MGST1: variants seen among roughly 807,000 people sequenced by gnomAD.
The protein encoded by MGST1 is glutathione S-transferase 12.
Under a neutral mutation model 8.9 loss-of-function variants are expected in MGST1, and 5 were observed. The observed-to-expected ratio is 0.56, with a 90% CI of 0.29 to 1.19. The LOEUF is 1.19. Ranked by LOEUF, MGST1 falls within the 50% of genes most tolerant of loss-of-function variation. The pLI is 0.08. For missense variants in MGST1, 182 were observed against 187.4 expected (o/e 0.97, Z 0.17); for synonymous variants, 54 against 67.8 (o/e 0.80, Z 1.00).
rs138709868 is a variant in MGST1 at position 16,411,105 on chromosome 12, G to T, written n.779-26283G>T. On this transcript the variant is annotated intron_variant and non_coding_transcript_variant, in intron 1 of 1. Transcript: ENST00000359720. The stretch of plus-strand genomic sequence containing the variant: ...TTTCTCATCAAGTTCTTTTGTCATG[G>T]ACCCTCAAGGTATTACTTGCTTTCT... Among the ~76,000 whole-genome samples the T allele has an allele frequency of 1.5e-3, 226 of 152,174 alleles. 2 individuals carry two copies. The highest frequency in any genetic ancestry group is 5.0e-3 in the African/African-American group (206 of 41,520).
At chr12:16,590,865 A>C (rs1943473352), downstream of MGST1, among the ~76,000 whole-genome samples, 1 of 152,048 alleles carries the variant, frequency 6.6e-6, no homozygotes, top group African/African-American at 2.4e-5. Context: ...CAAATCCAGA[A>C]GCCTATTTTC....
intron 4 of MGST1, among the ~76,000 whole-genome samples, chr12:16,467,850 T>C (rs1026138883): frequency 6.6e-6 from 1 of 152,106 alleles, no homozygotes; most frequent in Non-Finnish European, 1.5e-5. Context: ...CTTAATTAGC[T>C]CAAGAGAAAC....
chr12:16,554,757 C>T (rs572818713), intron 4 of MGST1, among the ~76,000 whole-genome samples: 2 of 152,286 alleles, frequency 1.3e-5, no homozygotes, highest in African/African-American at 2.4e-5. Flanking sequence ...CCCGGGTTCC[C>T]GCCATTCTCC....
intron 1 of MGST1, among the ~76,000 whole-genome samples, chr12:16,403,694 T>C (rs531136594): frequency 2.0e-5 from 3 of 152,174 alleles, no homozygotes; most frequent in African/African-American, 7.2e-5. Context: ...TGACTCACAG[T>C]TCAGCATGGC....
chr12:16,566,017 TATATATATATATATATATATATAA>T (rs1942591975), intron 4 of MGST1, among the ~76,000 whole-genome samples: 1 of 77,780 alleles, frequency 1.3e-5, no homozygotes, highest in African/African-American at 5.3e-5. Flanking sequence ...TATATATATA[TATATATATATATATATATATATAA>T]AATGGAGTAC....
downstream of MGST1, among the ~76,000 whole-genome samples, chr12:16,378,093 G>A (rs1940408673): frequency 1.3e-5 from 2 of 152,126 alleles, no homozygotes; most frequent in South Asian, 4.2e-4. Context: ...CCATTCTGTA[G>A]GTTGCCTGTT....
chr12:16,588,485 T>C (rs1034928995), intron 4 of MGST1, among the ~76,000 whole-genome samples: 3 of 152,066 alleles, frequency 2.0e-5, no homozygotes, highest in Admixed American at 2.0e-4. Flanking sequence ...TACAAGGCCA[T>C]AGAACTTTTA....
intron 4 of MGST1, among the ~76,000 whole-genome samples, chr12:16,516,487 A>G (rs1442914401): frequency 1.3e-5 from 2 of 152,194 alleles, no homozygotes; most frequent in African/African-American, 4.8e-5. Flanking sequence ...CTCTGTGGCC[A>G]TGAATTAGGT....
intron 1 of MGST1, chr12:16,400,374 A>G (rs571367064): frequency 9.7e-6 from 8 of 823,086 alleles, no homozygotes; most frequent in Admixed American, 3.5e-5. Flanking sequence ...AGCGGAAGCC[A>G]TTGACACGGG....
downstream of MGST1, among the ~76,000 whole-genome samples, chr12:16,379,403 A>C (rs1158896795): frequency 1.3e-5 from 2 of 152,176 alleles, no homozygotes; most frequent in Non-Finnish European, 2.9e-5. Context: ...CTATTGAGAA[A>C]ATCATGTGGT....
At chr12:16,387,068 TTA>T (rs1940510016) in intron 1 of MGST1, among the ~76,000 whole-genome samples, 1 of 152,232 alleles carries the variant, frequency 6.6e-6, no homozygotes, top group African/African-American at 2.4e-5. Flanking sequence ...TAGTTACTAG[TTA>T]TTGCTGTTAA....
Position 16,401,531 on chromosome 12 carries a change from C to G in MGST1, n.778+17927C>G. On this transcript the variant is annotated intron_variant and non_coding_transcript_variant, in intron 1 of 1. Transcript: ENST00000359720. The surrounding 1 kb of genome is among the most constrained non-coding windows in gnomAD (Gnocchi z 4.3). ...AGTAAAAAGTTGTAATTTTCTTGAA[C>G]TTCCTGAGGAGGATCAGCCATCAAA... 1.0e-6 allele frequency: 1 copy of G among 990,594 alleles called. No homozygotes were observed. Among genetic ancestry groups the G allele is most frequent in the South Asian group, 1.3e-5 (1 of 74,426 alleles). 61.4% of individuals were successfully genotyped at this position (990,594 alleles called of 1,614,324 possible).
chr12:16,388,888 CTA>C (rs992999918), intron 1 of MGST1, among the ~76,000 whole-genome samples: 2 of 152,168 alleles, frequency 1.3e-5, no homozygotes. Context: ...AACTCCTGCT[CTA>C]GGCCAGGCCT....
intron 4 of MGST1, chr12:16,567,494 C>G (rs1327640251): frequency 2.0e-5 from 3 of 152,286 alleles, no homozygotes; most frequent in Non-Finnish European, 4.4e-5. Flanking sequence ...GAAGACAAAC[C>G]AGCTGAAGCA....
At chr12:16,530,742 G>A (rs1386461543) in intron 4 of MGST1, among the ~76,000 whole-genome samples, 1 of 152,090 alleles carries the variant, frequency 6.6e-6, no homozygotes, top group East Asian at 1.9e-4. Flanking sequence ...GCCAGGGCAG[G>A]ATATTTCACT....
chr12:16,501,676 C>G (rs182951332), intron 4 of MGST1, among the ~76,000 whole-genome samples: 68 of 152,224 alleles, frequency 4.5e-4, no homozygotes, highest in Non-Finnish European at 7.6e-4. Flanking sequence ...ATTTAGTTTT[C>G]TTTCTTCATT....
At chr12:16,549,770 G>T (rs1941918181) in intron 4 of MGST1, 1 of 152,064 alleles carries the variant, frequency 6.6e-6, no homozygotes. Flanking sequence ...AAGTTTGTGG[G>T]CAACTCGGAA....
rs548353739 is a variant in MGST1, at chr12:16,432,337, TACC to T, written n.779-5048_779-5046del. Reference sequence around the variant, plus strand: ...TCCACCACAATCTCTTTGAAAGGAGTACCACTGAGAGTACAGTAGCTCCTAGGT... The same window carrying T: ...TCCACCACAATCTCTTTGAAAGGAGTACTGAGAGTACAGTAGCTCCTAGGT... On this transcript the variant is annotated intron_variant and non_coding_transcript_variant, in intron 1 of 1. Coordinates refer to the MGST1 transcript ENST00000359720. 1.1e-4 allele frequency among the ~76,000 whole-genome samples: 16 copies of T among 152,158 alleles called. No individual in the cohort carries two copies. In the East Asian group the frequency reaches 3.1e-3, roughly 29 times the overall value.
chr12:16,535,619 A>T (rs973707973), intron 4 of MGST1, among the ~76,000 whole-genome samples: 2 of 152,220 alleles, frequency 1.3e-5, no homozygotes, highest in African/African-American at 4.8e-5. Context: ...ATGAATTAGT[A>T]AAGTTGCAGT....
Sources: allele counts gnomAD v4.1 joint callset (sites outside exome capture counted in the v4.1 genomes callset), GRCh38; gene constraint gnomAD v4.1.1; non-coding constraint Gnocchi (gnomAD v3.1); transcripts MANE v1.5; gene names NCBI Gene and HGNC (gene_info 2026-07-23, HGNC 2026-07-21).